The following TIAM1 variants were observed in gnomAD, a reference collection of about 807,000 sequenced individuals.
TIAM1 encodes rho guanine nucleotide exchange factor TIAM1.
TIAM1 carries 65 observed loss-of-function variants against 163.5 expected under a neutral mutation model. The observed-to-expected ratio is 0.40, with a 90% CI of 0.33 to 0.49. TIAM1 has a LOEUF of 0.49. Ranked by LOEUF, TIAM1 falls within the 20% of genes least tolerant of loss-of-function variation. The pLI, the probability that TIAM1 is intolerant of heterozygous loss-of-function variation, is 0.77. For synonymous variants in TIAM1, 833 were observed against 810.1 expected (o/e 1.03, Z -0.48); for missense variants, 1,789 against 2,044.7 (o/e 0.87, Z 2.41).
intron 20 of TIAM1, among the ~76,000 whole-genome samples, chr21:31,144,828 CAGAA>C (rs2083029632): frequency 3.5e-5 from 1 of 28,672 alleles, no homozygotes; most frequent in African/African-American, 1.8e-4. Flanking sequence ...GACTCCATCT[CAGAA>C]AAAAAAAAAA....
intron 2 of TIAM1, among the ~76,000 whole-genome samples, chr21:31,333,092 A>G (rs1439218909): frequency 6.6e-6 from 1 of 152,164 alleles, no homozygotes; most frequent in African/African-American, 2.4e-5. Flanking sequence ...TATTTTAAAT[A>G]AATAAATGAA....
At position 31,443,378 on chromosome 21, in the gene TIAM1, CAG is replaced by C. The variant is rs1044937179; in HGVS notation, c.-369+20603_-369+20604del. Among the ~76,000 whole-genome samples, 9 of 152,314 alleles carry C rather than the reference CAG, an allele frequency of 5.9e-5. No homozygotes were observed. The East Asian group carries it at 1.7e-3, about 29-fold the overall frequency. On this transcript the variant is annotated intron_variant, in intron 2 of 28. Transcript: ENST00000286827. ...TTACAGTAGAGATGCGTCCATAACC[CAG>C]AGTCTATGGACCACGCTGCTGTATG... is the stretch of plus-strand genomic sequence containing the variant.
At chr21:31,277,746 A>G (rs2073363471) in intron 2 of TIAM1, among the ~76,000 whole-genome samples, 1 of 152,110 alleles carries the variant, frequency 6.6e-6, no homozygotes, top group Admixed American at 6.5e-5. Flanking sequence ...CACTTTCTTA[A>G]TAAACTTGCT....
At chr21:31,254,591 G>A (rs2071990702) in intron 4 of TIAM1, among the ~76,000 whole-genome samples, 1 of 152,188 alleles carries the variant, frequency 6.6e-6, no homozygotes, top group South Asian at 2.1e-4. Flanking sequence ...AGCTACTCGG[G>A]AGGTTGAGGC....
At chr21:31,183,209 T>C (rs2085120971) in intron 14 of TIAM1, among the ~76,000 whole-genome samples, 1 of 152,214 alleles carries the variant, frequency 6.6e-6, no homozygotes, top group South Asian at 2.1e-4. Flanking sequence ...TGTCCTTTTT[T>C]GTTTTGTTTT....
chr21:31,135,749 G>A (rs1490633136), intron 23 of TIAM1, among the ~76,000 whole-genome samples, 184 bp downstream of exon 23: 2 of 152,324 alleles, frequency 1.3e-5, no homozygotes, highest in African/African-American at 4.8e-5. Context: ...GACCACATAG[G>A]GCAATTTAAC....
chr21:31,380,214 C>T (rs533581948), intron 2 of TIAM1, among the ~76,000 whole-genome samples: 42 of 151,994 alleles, frequency 2.8e-4, no homozygotes, highest in Non-Finnish European at 4.9e-4. Context: ...AGTTGGAGCA[C>T]GCCACCGCAC....
In TIAM1 at chr21:31,251,929, G is replaced by A. The variant is rs2071831277; in HGVS notation, c.1224C>T (p.His408=). 2 of 1,613,624 alleles carry A rather than the reference G, an allele frequency of 1.2e-6. No individual in the cohort carries two copies. Among genetic ancestry groups the A allele is most frequent in the African/African-American group, 2.7e-5 (2 of 74,930 alleles). Residue 408 remains histidine, a synonymous_variant, in exon 5 of 28, where the codon CAC becomes CAT. Transcript: ENST00000541036. ...SESLEEAGSA[H]SDEQSSGTLS... is the part of the protein sequence containing the mutation. ...GGGTGCCGCTGCTCTGCTCATCGCT[G>A]TGCGCCGAGCCGGCCTCCTCCAGGC... is the stretch of plus-strand genomic sequence containing the variant.
chr21:31,460,545 T>TG (rs371972465), intron 2 of TIAM1, among the ~76,000 whole-genome samples: 33 of 152,292 alleles, frequency 2.2e-4, no homozygotes, highest in African/African-American at 7.7e-4. Flanking sequence ...CAGAATCACT[T>TG]GAACTGAGAG....
At chr21:31,205,237 T>C (rs917951816) in intron 11 of TIAM1, among the ~76,000 whole-genome samples, 4 of 152,224 alleles carry the variant, frequency 2.6e-5, no homozygotes, top group African/African-American at 9.6e-5. Flanking sequence ...CACTGAAATC[T>C]TTAATTAGAA....
rs940838921 is a variant in TIAM1, at chr21:31,395,163, G to A, written c.-368-55741C>T. On this transcript the variant is annotated intron_variant, in intron 2 of 28. Coordinates refer to the TIAM1 transcript ENST00000286827. The surrounding 1 kb of genome is among the most constrained non-coding windows in gnomAD (Gnocchi z 7.5). ...TGCGGCACCAGAATTGCTTGAGCCT[G>A]GGAGGCAGAGGTTGCAGTAAGCTGA... 6.6e-5 allele frequency among the ~76,000 whole-genome samples: 10 copies of A among 152,018 alleles called. No individual in the cohort carries two copies. Among genetic ancestry groups the A allele is most frequent in the East Asian group, 5.8e-4 (3 of 5,178 alleles).
intron 2 of TIAM1, among the ~76,000 whole-genome samples, chr21:31,403,811 A>G (rs2077204755): frequency 6.6e-6 from 1 of 152,138 alleles, no homozygotes; most frequent in African/African-American, 2.4e-5. Context: ...AAAGTCAAAA[A>G]ATGAATTAGA....
chr21:31,136,179 G>A, intron 22 of TIAM1, 138 bp from the exon 23 acceptor site: 1 of 704,916 alleles, frequency 1.4e-6, no homozygotes, highest in Middle Eastern at 2.8e-4. Context: ...GCTTAAATAT[G>A]TGAGATAATG....
intron 2 of TIAM1, among the ~76,000 whole-genome samples, chr21:31,442,705 A>G (rs1482044635): frequency 6.6e-6 from 1 of 152,236 alleles, no homozygotes; most frequent in Non-Finnish European, 1.5e-5. Context: ...ACTGGAATGG[A>G]TAAGCCAAAG....
At chr21:31,343,930 G>A (rs2076092897) in intron 1 of TIAM1, among the ~76,000 whole-genome samples, 1 of 152,310 alleles carries the variant, frequency 6.6e-6, no homozygotes, top group East Asian at 1.9e-4. Flanking sequence ...AGCCGGCAAC[G>A]CGCGCCGAGC....
At chr21:31,174,631 A>T (rs929007869) in intron 15 of TIAM1, among the ~76,000 whole-genome samples, 1 of 152,184 alleles carries the variant, frequency 6.6e-6, no homozygotes, top group African/African-American at 2.4e-5. Flanking sequence ...TATTATTTTT[A>T]AAATTGTTAC....
chr21:31,167,611 C>G (rs1017984464), intron 15 of TIAM1, among the ~76,000 whole-genome samples: 1 of 152,158 alleles, frequency 6.6e-6, no homozygotes, highest in African/African-American at 2.4e-5. Flanking sequence ...TCCCCAAGCC[C>G]TAAAACGGCG....
chr21:31,283,730 C>T lies in TIAM1; in HGVS notation c.-188-6822G>A, dbSNP rs148372001. On this transcript the variant is annotated intron_variant, in intron 2 of 27. Transcript: ENST00000541036. The stretch of plus-strand genomic sequence containing the variant: ...TTAATTTTTGTATTTTTAGTAGAAA[C>T]GGAGTTTCATCATATTGGTCAGGCT... Among the ~76,000 whole-genome samples, 42 of 152,088 alleles carry T rather than the reference C, an allele frequency of 2.8e-4. 1 individual carries two copies. The highest frequency in any genetic ancestry group is 8.4e-4 in the African/African-American group (35 of 41,466).
At chr21:31,249,198 T>A (rs2071663808) in intron 5 of TIAM1, among the ~76,000 whole-genome samples, 1 of 152,142 alleles carries the variant, frequency 6.6e-6, no homozygotes, top group South Asian at 2.1e-4. Flanking sequence ...GGGTGGTCCC[T>A]GATCCAATAT....
Sources: allele counts gnomAD v4.1 joint callset (sites outside exome capture counted in the v4.1 genomes callset), GRCh38; gene constraint gnomAD v4.1.1; non-coding constraint Gnocchi (gnomAD v3.1); transcripts MANE v1.5; gene names NCBI Gene and HGNC (gene_info 2026-07-23, HGNC 2026-07-21).